Variants in AFF3 observed in about 807,000 individuals in gnomAD.
AFF3 encodes ALF transcription elongation factor 3, also known as AF4/FMR2 family member 3.
Under a neutral mutation model 129.7 loss-of-function variants are expected in AFF3, and 32 were observed. The ratio of observed to expected loss-of-function variants is 0.25; its 90% CI spans 0.19 to 0.33. AFF3 has a LOEUF of 0.33. Ranked by LOEUF, AFF3 falls within the 10% of genes least tolerant of loss-of-function variation. AFF3 has a pLI of 1.00. For synonymous variants in AFF3, 644 were observed against 635.4 expected (o/e 1.01, Z -0.20); for missense variants, 1,373 against 1,592.0 (o/e 0.86, Z 2.34).
chr2:99,643,202 G>C (rs1436661259), intron 13 of AFF3, among the ~76,000 whole-genome samples: 1 of 151,740 alleles, frequency 6.6e-6, no homozygotes, highest in Non-Finnish European at 1.5e-5. Flanking sequence ...TGGGATTACA[G>C]GTGCACGCCA....
At chr2:99,730,767 C>G (rs1263238777) in intron 10 of AFF3, among the ~76,000 whole-genome samples, 1 of 151,934 alleles carries the variant, frequency 6.6e-6, no homozygotes, top group Non-Finnish European at 1.5e-5. Flanking sequence ...CCTGACTTAG[C>G]CTCCCAAAGT....
chr2:99,873,210 T>G (rs1479659091), intron 7 of AFF3, among the ~76,000 whole-genome samples: 1 of 152,228 alleles, frequency 6.6e-6, no homozygotes, highest in Non-Finnish European at 1.5e-5. Context: ...CGTTTGTTAC[T>G]TCATCAAGGA....
intron 4 of AFF3, among the ~76,000 whole-genome samples, chr2:100,016,231 ATGG>A (rs1440010110): frequency 2.9e-5 from 4 of 139,234 alleles, no homozygotes; most frequent in South Asian, 4.9e-4. Flanking sequence ...AGTGGCGGTG[ATGG>A]TGGTGGGGGT....
chr2:99,828,815 G>C (rs1021901331), intron 8 of AFF3, among the ~76,000 whole-genome samples: 2 of 152,156 alleles, frequency 1.3e-5, no homozygotes, highest in African/African-American at 4.8e-5. Flanking sequence ...CTTCATGCTA[G>C]GGATTTTATG....
At chr2:99,660,862 G>A (rs1026845580) in intron 12 of AFF3, among the ~76,000 whole-genome samples, 1 of 152,132 alleles carries the variant, frequency 6.6e-6, no homozygotes, top group East Asian at 1.9e-4. Flanking sequence ...AGTGCCAAGG[G>A]ACCTTGAATG....
chr2:99,967,725 C>T (rs1677933488), intron 7 of AFF3, among the ~76,000 whole-genome samples: 1 of 152,238 alleles, frequency 6.6e-6, no homozygotes, highest in African/African-American at 2.4e-5. Context: ...TCAGGCACCT[C>T]ACCCACCTTA....
rs768809632 is a variant in AFF3, at chr2:99,582,944, G to C, written c.2647C>G (p.Leu883Val). ...EKMLRSPISPLSDASKHKYTS... is the reference protein window; with the variant it reads ...EKMLRSPISPVSDASKHKYTS... ...TATTTGTGTTTAGATGCATCAGAGAGGGGTGAGATGGGCGACCGAAGCATT... is the reference window on the plus strand; with the variant it reads ...TATTTGTGTTTAGATGCATCAGAGACGGGTGAGATGGGCGACCGAAGCATT... Residue 883 changes from leucine to valine, a missense_variant, in exon 17 of 25, where the codon CTC (leucine) becomes GTC (valine). Leu to Val is a conservative substitution (Grantham distance 32). This residue lies in a region of AFF3 where 466 missense variants were observed against 505.0 expected (regional missense o/e 0.92). Transcript: ENST00000672756. 39 of 1,614,164 alleles carry C rather than the reference G, an allele frequency of 2.4e-5. No homozygotes were observed. The South Asian group carries it at 4.3e-4, about 18-fold the overall frequency.
At chr2:99,720,183 C>T (rs1024310184) in intron 11 of AFF3, among the ~76,000 whole-genome samples, 2 of 152,120 alleles carry the variant, frequency 1.3e-5, no homozygotes, top group Non-Finnish European at 2.9e-5. Flanking sequence ...TATGGTTTGT[C>T]TGTCTCCATC....
chr2:99,728,694 A>G (rs1400168501), intron 10 of AFF3, among the ~76,000 whole-genome samples: 1 of 152,192 alleles, frequency 6.6e-6, no homozygotes, highest in African/African-American at 2.4e-5. Context: ...GATGAGGGGG[A>G]AAAACAAAAA....
In AFF3 at chr2:99,601,377, G is replaced by C. The variant is rs191837110; in HGVS notation, c.1371+58C>G. ...TGTGACAGTGACAATGCCCGGACTT[G>C]CTATCCTCATAGAGACAGAAGTGGG... is the stretch of plus-strand genomic sequence containing the variant. On this transcript the variant is annotated intron_variant, in intron 14 of 24. Coordinates refer to ENST00000672756, the MANE Select transcript of AFF3 (RefSeq NM_001386135.1). The C allele has an allele frequency of 2.0e-6, 3 of 1,476,960 alleles. No individual in the cohort carries two copies. The African/African-American group carries it at 4.2e-5, about 21-fold the overall frequency. 91.5% of individuals were successfully genotyped at this position (1,476,960 alleles called of 1,614,324 possible). A position where few individuals can be genotyped will look rare whatever the true frequency, so the allele number is the denominator to read the frequency against.
intron 11 of AFF3, among the ~76,000 whole-genome samples, chr2:99,690,556 T>C (rs1307423740): frequency 6.6e-6 from 1 of 152,146 alleles, no homozygotes; most frequent in Non-Finnish European, 1.5e-5. Context: ...TTGTCTATTA[T>C]GGAATCAGAC....
intron 17 of AFF3, 145 bp from the exon 18 acceptor site, chr2:99,578,596 A>G (rs1260055481): frequency 2.4e-6 from 3 of 1,270,870 alleles, no homozygotes; most frequent in Admixed American, 3.1e-5. Context: ...TTTTGTCTCA[A>G]TAAAGAAATA....
intron 13 of AFF3, among the ~76,000 whole-genome samples, chr2:99,618,938 G>T (rs913132846): frequency 7.8e-6 from 1 of 128,166 alleles, no homozygotes; most frequent in African/African-American, 3.2e-5. Context: ...TCAGAGACAG[G>T]GGCTTGCTAT....
At chr2:99,989,804 T>C (rs1175526038) in intron 7 of AFF3, among the ~76,000 whole-genome samples, 1 of 152,236 alleles carries the variant, frequency 6.6e-6, no homozygotes, top group South Asian at 2.1e-4. Context: ...ATTTTACTTG[T>C]TTCTAAGGCA....
chr2:99,656,791 T>A (rs866053821), intron 12 of AFF3, among the ~76,000 whole-genome samples: 2 of 152,218 alleles, frequency 1.3e-5, no homozygotes, highest in South Asian at 4.1e-4. Flanking sequence ...TACTCCTCTC[T>A]ATTTTTTCCT....
chr2:99,659,463 A>C (rs11676683), intron 12 of AFF3, among the ~76,000 whole-genome samples: 86,883 of 152,006 alleles, frequency 0.57, 25,427 homozygotes, highest in African/African-American at 0.7. Flanking sequence ...TGGAGTGCAG[A>C]TGGTGATGCT....
At chr2:99,868,899 C>T (rs1011581932) in intron 7 of AFF3, among the ~76,000 whole-genome samples, 3 of 152,070 alleles carry the variant, frequency 2.0e-5, no homozygotes, top group Non-Finnish European at 4.4e-5. Context: ...CTCAAGCGAT[C>T]CTCTGGCCTC....
chr2:99,637,684 C>T (rs1575569617), intron 13 of AFF3, among the ~76,000 whole-genome samples: 1 of 152,128 alleles, frequency 6.6e-6, no homozygotes, highest in Non-Finnish European at 1.5e-5. Flanking sequence ...AACAGGTGTA[C>T]TTCTACTTCA....
intron 7 of AFF3, among the ~76,000 whole-genome samples, chr2:99,925,501 C>T (rs918910053): frequency 6.6e-6 from 1 of 152,174 alleles, no homozygotes; most frequent in Non-Finnish European, 1.5e-5. Context: ...ACTTTCAGCA[C>T]ATGGCACAGT....
Sources: gnomAD v4.1 joint callset for allele counts (sites outside exome capture counted in the v4.1 genomes callset) on GRCh38, gnomAD v4.1.1 for gene constraint, gnomAD v4.1.1 regional missense constraint, MANE v1.5 for transcripts, NCBI Gene and HGNC (gene_info 2026-07-23, HGNC 2026-07-21) for gene names.